Variants in GALNT17 observed in about 807,000 individuals in gnomAD.
The protein encoded by GALNT17 is UDP-GalNAc:polypeptide N-acetylgalactosaminyltransferase-like 3.
In GALNT17, 29 loss-of-function variants were observed where a neutral mutation model predicts 63.7. That is an observed-to-expected ratio of 0.46 (90% confidence interval 0.34 to 0.62). The LOEUF (loss-of-function observed/expected upper bound fraction) is 0.62. GALNT17 is among the 20% of genes least tolerant of loss of function. The pLI is 0.01. For missense variants in GALNT17, 603 were observed against 799.6 expected (o/e 0.75, Z 2.97); for synonymous variants, 305 against 318.3 (o/e 0.96, Z 0.45).
At chr7:71,630,411 G>C (rs1373659159) in intron 6 of GALNT17, among the ~76,000 whole-genome samples, 1 of 152,148 alleles carries the variant, frequency 6.6e-6, no homozygotes, top group African/African-American at 2.4e-5. Context: ...AAGGCCCCCA[G>C]TGCACTGATC....
At chr7:71,314,355 C>A (rs981138363) in intron 1 of GALNT17, among the ~76,000 whole-genome samples, 2 of 152,112 alleles carry the variant, frequency 1.3e-5, no homozygotes, top group South Asian at 2.1e-4. Context: ...ATTTGGAGAA[C>A]AGTGCAGCCC....
intron 1 of GALNT17, among the ~76,000 whole-genome samples, chr7:71,265,100 A>T (rs11764578): frequency 0.043 from 1,765 of 40,762 alleles, 26 homozygotes; most frequent in Middle Eastern, 0.07. Flanking sequence ...CATAAATATT[A>T]TATATATATA....
intron 6 of GALNT17, among the ~76,000 whole-genome samples, chr7:71,649,180 C>T (rs992427304): frequency 2.0e-5 from 3 of 152,166 alleles, no homozygotes; most frequent in Admixed American, 6.5e-5. Context: ...CAAGCTCTGC[C>T]GACAGTTGAG....
chr7:71,617,332 T>G (rs1453080661), intron 6 of GALNT17, among the ~76,000 whole-genome samples: 4 of 149,412 alleles, frequency 2.7e-5, no homozygotes, highest in Non-Finnish European at 4.5e-5. Context: ...GTTTTTTTGT[T>G]TTTTTTTTTT....
At chr7:71,143,407 CAA>C (rs66560650) in intron 1 of GALNT17, among the ~76,000 whole-genome samples, 60 of 116,936 alleles carry the variant, frequency 5.1e-4, no homozygotes, top group Non-Finnish European at 6.4e-4. Flanking sequence ...GAGACTGTCT[CAA>C]AAAAAAAAAA....
intron 1 of GALNT17, among the ~76,000 whole-genome samples, chr7:71,262,285 A>AT (rs1003695224): frequency 1.3e-5 from 2 of 151,262 alleles, no homozygotes; most frequent in East Asian, 3.9e-4. Context: ...CTGATTTTTA[A>AT]TTTTTTTTCT....
intron 5 of GALNT17, among the ~76,000 whole-genome samples, chr7:71,464,470 A>G (rs774920698): frequency 6.6e-6 from 1 of 152,052 alleles, no homozygotes; most frequent in African/African-American, 2.4e-5. Context: ...GATGAACCCA[A>G]CCTCTCAACA....
intron 1 of GALNT17, among the ~76,000 whole-genome samples, chr7:71,321,862 C>CTTCCT (rs1563000918): frequency 2.3e-5 from 3 of 132,768 alleles, no homozygotes; most frequent in Non-Finnish European, 4.7e-5. Flanking sequence ...TCCTTCCTTC[C>CTTCCT]TTCCTTTCCT....
intron 3 of GALNT17, among the ~76,000 whole-genome samples, chr7:71,401,616 C>T (rs1793243101): frequency 6.6e-6 from 1 of 152,090 alleles, no homozygotes; most frequent in Non-Finnish European, 1.5e-5. Flanking sequence ...CACCTGAGCT[C>T]CATCTCCTGT....
At chr7:71,141,125 T>C (rs1336325992) in intron 1 of GALNT17, among the ~76,000 whole-genome samples, 1 of 151,944 alleles carries the variant, frequency 6.6e-6, no homozygotes, top group Non-Finnish European at 1.5e-5. Context: ...TCCCAGCACT[T>C]TGGGAGGCCG....
chr7:71,443,946 C>T (rs1054149733), intron 5 of GALNT17, among the ~76,000 whole-genome samples: 15 of 152,130 alleles, frequency 9.9e-5, no homozygotes, highest in African/African-American at 3.4e-4. Context: ...AGGCTGGTCT[C>T]GAACTTTTGA....
At chr7:71,376,553 G>A (rs79728889) in intron 2 of GALNT17, among the ~76,000 whole-genome samples, 6,595 of 150,062 alleles carry the variant, frequency 0.044, 504 homozygotes, top group African/African-American at 0.15. Context: ...GTATGTGTGC[G>A]AGTGTGTGTG....
intron 3 of GALNT17, among the ~76,000 whole-genome samples, chr7:71,405,220 T>A (rs980661815): frequency 2.6e-5 from 4 of 152,192 alleles, no homozygotes; most frequent in Non-Finnish European, 5.9e-5. Context: ...CAACATCACA[T>A]TCACAGGAAT....
chr7:71,210,539 G>A (rs1789356362), intron 1 of GALNT17, among the ~76,000 whole-genome samples: 1 of 152,180 alleles, frequency 6.6e-6, no homozygotes, highest in Non-Finnish European at 1.5e-5. Context: ...GGGTAATAAA[G>A]CAGTTTTGCA....
chr7:71,687,155 C>T (rs1211085309), intron 9 of GALNT17, among the ~76,000 whole-genome samples: 2 of 152,190 alleles, frequency 1.3e-5, no homozygotes, highest in Admixed American at 6.5e-5. Flanking sequence ...ACATTTTCCT[C>T]CTCTTCTCCG....
chr7:71,503,096 T>TC (rs2116705453), intron 5 of GALNT17, among the ~76,000 whole-genome samples: 1 of 152,272 alleles, frequency 6.6e-6, no homozygotes, highest in South Asian at 2.1e-4. Flanking sequence ...GCTACTTTTT[T>TC]CCCCATGATT....
At position 71,613,722 on chromosome 7, in the gene GALNT17, G is replaced by A. The variant is rs369087624; in HGVS notation, c.1080+42320G>A. On this transcript the variant is annotated intron_variant, in intron 6 of 10. Transcript: ENST00000333538. ...CAATCCCAGCACTTTGGGAGGCTGA[G>A]GCAAGAGGATTACTTGAGCCCAGGA... Among the ~76,000 whole-genome samples the A allele has an allele frequency of 3.3e-5, 5 of 151,900 alleles. No homozygotes were observed. The East Asian group carries it at 7.7e-4, about 24-fold the overall frequency.
chr7:71,443,416 G>A (rs1330229361), intron 5 of GALNT17, among the ~76,000 whole-genome samples: 8 of 152,220 alleles, frequency 5.3e-5, no homozygotes, highest in African/African-American at 1.9e-4. Flanking sequence ...CCTGGAGGGA[G>A]GTGTTTGGGT....
intron 5 of GALNT17, among the ~76,000 whole-genome samples, chr7:71,566,390 A>G (rs1046639557): frequency 1.3e-5 from 2 of 151,586 alleles, no homozygotes; most frequent in Non-Finnish European, 2.9e-5. Flanking sequence ...TTCACTACAC[A>G]CTCTTGTCAA....
Sources: allele counts gnomAD v4.1 joint callset (sites outside exome capture counted in the v4.1 genomes callset), GRCh38; gene constraint gnomAD v4.1.1; transcripts MANE v1.5; gene names NCBI Gene and HGNC (gene_info 2026-07-23, HGNC 2026-07-21).